Variants in ROS1 observed in about 807,000 individuals in gnomAD.
ROS1 encodes the protein proto-oncogene tyrosine-protein kinase ROS.
Under a neutral mutation model 273.5 loss-of-function variants are expected in ROS1, and 263 were observed. The observed-to-expected ratio is 0.96, with a 90% CI of 0.87 to 1.06. The LOEUF is 1.06. Ranked by LOEUF, ROS1 falls within the 50% of genes least tolerant of loss-of-function variation. ROS1 has a pLI of 0.00. For missense variants in ROS1, 2,833 were observed against 2,751.1 expected, an observed-to-expected ratio of 1.03 and a Z score of -0.67; for synonymous variants, 1,008 against 954.1, an observed-to-expected ratio of 1.06 and a Z score of -1.04.
At chr6:117,316,446 G>A (rs202147025) in intron 39 of ROS1, among the ~76,000 whole-genome samples, 1 of 53,922 alleles carries the variant, frequency 1.9e-5, no homozygotes. Context: ...TTGCTGACTT[G>A]TCTTATCTTA....
rs575639311 is a variant in ROS1 at position 117,365,051 on chromosome 6, C to T, written c.3103+9G>A. On this transcript the variant is annotated intron_variant, in intron 21 of 43. Transcript: ENST00000368507. ...TTTTAAGAAAAAAGACAGATTTTAA[C>T]CCCTGTACCTGTTTCAGGTGCTCGA... 2 of 1,612,652 alleles carry T rather than the reference C, an allele frequency of 1.2e-6. No homozygotes were observed. Among genetic ancestry groups the T allele is most frequent in the African/African-American group, 1.3e-5 (1 of 74,956 alleles).
chr6:117,389,841 A>G lies in ROS1; in HGVS notation c.1295T>C (p.Val432Ala), dbSNP rs752178140. 4.4e-5 allele frequency: 71 copies of G among 1,601,426 alleles called. No homozygotes were observed. Among genetic ancestry groups the G allele is most frequent in the Non-Finnish European group, 5.9e-5 (69 of 1,170,470 alleles). ...AATGCCATCTCTCAGGAGGTAAAAG[A>G]CATACCTGACACAGGAACAAAAGAA... ...KIVADSYNGY[V>A]FYLLRDGIYR... Residue 432 changes from valine to alanine, a missense_variant, in exon 13 of 44, where the codon GTC (valine) becomes GCC (alanine). Transcript: ENST00000368507.
Position 117,335,010 on chromosome 6 carries a change from G to C in ROS1, c.5230+2162C>G, listed in dbSNP as rs576959968. On this transcript the variant is annotated intron_variant, in intron 32 of 43. Transcript: ENST00000368507. ...ACAAATGGGATCTAACTAAACTAAA[G>C]AGCTTCTGTACAGCAAAAGAAACTA... Among the ~76,000 whole-genome samples the C allele has an allele frequency of 2.6e-5, 4 of 152,288 alleles. No homozygotes were observed. The South Asian group carries it at 8.3e-4, about 32-fold the overall frequency.
At chr6:117,419,070 T>A (rs1032732052) in intron 1 of ROS1, among the ~76,000 whole-genome samples, 32 of 152,324 alleles carry the variant, frequency 2.1e-4, no homozygotes, top group Middle Eastern at 3.4e-3. Context: ...TTACAAAGGA[T>A]GGCAATCAGA....
At chr6:117,344,385 C>T (rs2128626575) in intron 27 of ROS1, 123 bp from the exon 28 acceptor site, 1 of 659,740 alleles carries the variant, frequency 1.5e-6, no homozygotes, top group Non-Finnish European at 2.5e-6. Context: ...ATAACTTTTG[C>T]TTGAAAACAT....
intron 41 of ROS1, among the ~76,000 whole-genome samples, chr6:117,309,472 T>C (rs1775370483): frequency 6.6e-6 from 1 of 152,136 alleles, no homozygotes; most frequent in Non-Finnish European, 1.5e-5. Flanking sequence ...AAAGTGCCAG[T>C]AAACATTGAG....
In ROS1 at chr6:117,386,998, A is replaced by G. The variant is rs375802861; in HGVS notation, c.2001T>C (p.Ala667=). The G allele has an allele frequency of 1.3e-6, 2 of 1,579,462 alleles. No homozygotes were observed. Among genetic ancestry groups the G allele is most frequent in the Admixed American group, 1.7e-5 (1 of 58,780 alleles). ...EPSVGTTLVP[A]SEPPFIMAVK... ...CAGCCATGATAAATGGTGGTTCACT[A>G]GCTGTTTAGTAAAAAAGAAATTAAA... is the stretch of plus-strand genomic sequence containing the variant. The change falls in exon 15 of 44, where the codon GCT becomes GCC. Residue 667 remains alanine, a splice_region_variant and synonymous_variant. Transcript: ENST00000368507.
At chr6:117,346,769 GT>G (rs1245886599) in intron 27 of ROS1, among the ~76,000 whole-genome samples, 1 of 152,018 alleles carries the variant, frequency 6.6e-6, no homozygotes, top group East Asian at 1.9e-4. Context: ...AAAGTCTATA[GT>G]TTACATTAGA....
rs1302819459 is a variant in ROS1, at chr6:117,397,101, G to A, written c.620C>T (p.Pro207Leu). 4.3e-6 allele frequency: 7 copies of A among 1,611,974 alleles called. No homozygotes were observed. Among genetic ancestry groups the A allele is most frequent in the Non-Finnish European group, 5.9e-6 (7 of 1,178,448 alleles). The change falls in exon 8 of 44, where the codon CCT becomes CTT. Residue 207 changes from proline (P) to leucine (L), a missense_variant. By Grantham distance (98) the Pro-to-Leu change is moderately conservative. Coordinates refer to ENST00000368507, the MANE Select transcript of ROS1 (RefSeq NM_001378902.1). ...TGAGCTCTCAATATTCCTAATCAAAGGTGCAGTTTCAGGAACTGGAAGAGA... is the reference window on the plus strand; with the variant it reads ...TGAGCTCTCAATATTCCTAATCAAAAGTGCAGTTTCAGGAACTGGAAGAGA... ...THPHGVPETA[P>L]LIRNIESSSP...
Position 117,383,317 on chromosome 6 carries a change from C to T in ROS1, c.2481G>A (p.Lys827=), listed in dbSNP as rs981224591. Residue 827 remains lysine, a splice_region_variant and synonymous_variant, in exon 17 of 44, where the codon AAG becomes AAA. Transcript: ENST00000368507. ...LQTQPWFSGK[K]VIALTLDLSD... ...ATGATCAGATCTTTTAATTTGTCAC[C>T]TTTTTCCCAGAAAACCAAGGCTGTG... 1.2e-6 allele frequency: 2 copies of T among 1,610,104 alleles called. No homozygotes were observed. Among genetic ancestry groups the T allele is most frequent in the Non-Finnish European group, 1.7e-6 (2 of 1,176,846 alleles).
At chr6:117,386,841 T>C (rs1261715250) in intron 15 of ROS1, 48 bp downstream of exon 15, 3 of 955,784 alleles carry the variant, frequency 3.1e-6, no homozygotes, top group Non-Finnish European at 4.9e-6. Context: ...TGGGAAGTCT[T>C]ATGAGTAGAA....
chr6:117,294,455 G>A (rs549849820), intron 43 of ROS1, among the ~76,000 whole-genome samples: 3 of 152,198 alleles, frequency 2.0e-5, no homozygotes, highest in South Asian at 4.1e-4. Context: ...GCATCCCAGG[G>A]ATAAATCTTA....
At chr6:117,407,332 C>T (rs901855255) in intron 5 of ROS1, among the ~76,000 whole-genome samples, 2 of 152,116 alleles carry the variant, frequency 1.3e-5, no homozygotes, top group African/African-American at 4.8e-5. Context: ...CTGCTGACAT[C>T]CAAGCCATGA....
At chr6:117,393,360 G>C (rs756882458) in intron 11 of ROS1, 39 bp from the exon 12 acceptor site, 9 of 1,229,252 alleles carry the variant, frequency 7.3e-6, no homozygotes, top group Non-Finnish European at 1.1e-5. Context: ...ATTAGCATCT[G>C]TCTATACAGC....
In ROS1 at chr6:117,365,110, T is replaced by C; in HGVS notation, c.3053A>G (p.Tyr1018Cys). 2 of 1,613,692 alleles carry C rather than the reference T, an allele frequency of 1.2e-6. No homozygotes were observed. Among genetic ancestry groups the C allele is most frequent in the Non-Finnish European group, 1.7e-6 (2 of 1,179,626 alleles). ...LFNLSVTPYT[Y>C]WGKGPKTSLS... The stretch of plus-strand genomic sequence containing the variant: ...AGATGTTTTGGGGCCCTTTCCCCAG[T>C]AGGTATAAGGAGTGACAGAAAGATT... Residue 1018 changes from tyrosine to cysteine, a missense_variant, in exon 21 of 44, where the codon TAC becomes TGC. Physicochemically the swap from Tyr to Cys is radical, Grantham distance 194. Coordinates refer to ENST00000368507, the MANE Select transcript of ROS1 (RefSeq NM_001378902.1).
chr6:117,385,842 G>A lies in ROS1; in HGVS notation c.2130C>T (p.Asn710=), dbSNP rs147149318. ...GNVSDMDWYN[N]SLYYSDTKGD... The stretch of plus-strand genomic sequence containing the variant: ...CTTTCGTGTCACTGTAGTAGAGGCT[G>A]TTGTTATACCAATCCATGTCTCAAA... Residue 710 remains asparagine, a synonymous_variant, in exon 16 of 44, where the codon AAC becomes AAT. Coordinates refer to ENST00000368507, the MANE Select transcript of ROS1 (RefSeq NM_001378902.1). 8.7e-6 allele frequency: 14 copies of A among 1,613,948 alleles called. 1 individual carries two copies. The African/African-American group carries it at 1.7e-4, about 20-fold the overall frequency.
At chr6:117,419,996 A>T (rs1448799036) in intron 1 of ROS1, among the ~76,000 whole-genome samples, 1 of 152,106 alleles carries the variant, frequency 6.6e-6, no homozygotes, top group African/African-American at 2.4e-5. Flanking sequence ...ACAATAGCTA[A>T]CATTTATTGA....
chr6:117,312,728 G>A (rs531702204), intron 39 of ROS1, among the ~76,000 whole-genome samples: 3 of 152,040 alleles, frequency 2.0e-5, no homozygotes, highest in Non-Finnish European at 4.4e-5. Flanking sequence ...AACCTGTTGG[G>A]ATACCTCATC....
intron 12 of ROS1, among the ~76,000 whole-genome samples, chr6:117,390,159 C>G (rs1036734592): frequency 4.6e-5 from 7 of 151,934 alleles, no homozygotes; most frequent in African/African-American, 1.7e-4. Flanking sequence ...CAAGGTCTTA[C>G]TCTGTCACCC....
Sources: allele counts gnomAD v4.1 joint callset (sites outside exome capture counted in the v4.1 genomes callset), GRCh38; gene constraint gnomAD v4.1.1; transcripts MANE v1.5; gene names NCBI Gene and HGNC (gene_info 2026-07-23, HGNC 2026-07-21).